PEX5L: variants seen among roughly 807,000 people sequenced by gnomAD.
PEX5L encodes PEX5-related protein.
A neutral mutation model predicts 84.0 loss-of-function variants in PEX5L; 30 were observed. That is an observed-to-expected ratio of 0.36 (90% CI 0.27 to 0.48). The LOEUF is 0.48. Ranked by LOEUF, PEX5L falls within the 20% of genes least tolerant of loss-of-function variation. The pLI, the probability that PEX5L is intolerant of heterozygous loss-of-function variation, is 0.99. For synonymous variants in PEX5L, 270 were observed against 283.1 expected, an observed-to-expected ratio of 0.95 and a Z score of 0.46; for missense variants, 533 against 754.6, an observed-to-expected ratio of 0.71 and a Z score of 3.44.
intron 2 of PEX5L, among the ~76,000 whole-genome samples, chr3:179,944,751 G>A (rs1777073797): frequency 6.6e-6 from 1 of 152,194 alleles, no homozygotes; most frequent in African/African-American, 2.4e-5. Context: ...GTTCAAGGAA[G>A]GATTGCAAAC....
chr3:179,924,852 T>C (rs1442818197), intron 2 of PEX5L, among the ~76,000 whole-genome samples: 1 of 129,702 alleles, frequency 7.7e-6, no homozygotes, highest in Non-Finnish European at 1.9e-5. Context: ...TAAGAGAAAA[T>C]TTTTTTTGAG....
intron 1 of PEX5L, among the ~76,000 whole-genome samples, chr3:179,994,659 G>C (rs181647172): frequency 1.3e-5 from 2 of 152,238 alleles, no homozygotes; most frequent in East Asian, 3.9e-4. Flanking sequence ...AGGATGCAAA[G>C]TATTGATCCT....
At chr3:179,994,853 CGTGCTGGA>C (rs1284638231) in intron 1 of PEX5L, among the ~76,000 whole-genome samples, 1 of 151,994 alleles carries the variant, frequency 6.6e-6, no homozygotes, top group Non-Finnish European at 1.5e-5. Flanking sequence ...ATCTTTCTCC[CGTGCTGGA>C]TGCTTCCTGT....
rs1048839217 is a variant in PEX5L, at chr3:180,036,800, G to T, written c.-201C>A. 5.0e-6 allele frequency: 3 copies of T among 596,926 alleles called. No homozygotes were observed. The highest frequency in any genetic ancestry group is 6.1e-6 in the Non-Finnish European group (2 of 329,176). The allele number at this position is 596,926 out of a possible 1,614,324, so 37.0% of individuals were successfully genotyped here. A position where few individuals can be genotyped will look rare whatever the true frequency, so the allele number is the denominator to read the frequency against. On this transcript the variant is annotated 5_prime_UTR_variant, in exon 1 of 15. Coordinates refer to ENST00000467460, the MANE Select transcript of PEX5L (RefSeq NM_016559.3). Reference sequence around the variant, plus strand: ...CTGCCGGGAACTGTTCTCCGCTCGGGGTGCTGAAAGCGGACGCGGGAGAGC... The same window carrying T: ...CTGCCGGGAACTGTTCTCCGCTCGGTGTGCTGAAAGCGGACGCGGGAGAGC...
intron 7 of PEX5L, among the ~76,000 whole-genome samples, chr3:179,871,882 G>A (rs532758152): frequency 6.6e-6 from 1 of 152,200 alleles, no homozygotes; most frequent in Admixed American, 6.5e-5. Flanking sequence ...TTTGGCTAAC[G>A]TTTTTCTTTT....
chr3:179,922,577 T>C (rs1466173611), intron 2 of PEX5L, among the ~76,000 whole-genome samples: 3 of 151,816 alleles, frequency 2.0e-5, no homozygotes, highest in African/African-American at 7.3e-5. Flanking sequence ...GCCTCCCCAG[T>C]AGCTGGGATT....
In PEX5L at chr3:179,807,778, G is replaced by A. The variant is rs763216140; in HGVS notation, c.1572C>T (p.Ser524=). The A allele has an allele frequency of 1.2e-6, 2 of 1,613,990 alleles. No individual in the cohort carries two copies. The highest frequency in any genetic ancestry group is 1.7e-6 in the Non-Finnish European group (2 of 1,179,958). ...GCGTATAGGCCTCCACGGCTTCCTC[G>A]CTGCGGTCTCCGTTCGCCAAGGTCG... ...LGATLANGDR[S]EEAVEAYTRA... Residue 524 remains serine (S), a synonymous_variant, in exon 14 of 15, where the codon AGC becomes AGT. Coordinates refer to ENST00000467460, the MANE Select transcript of PEX5L (RefSeq NM_016559.3).
intron 2 of PEX5L, among the ~76,000 whole-genome samples, chr3:179,952,063 T>A (rs1350121057): frequency 6.6e-6 from 1 of 152,226 alleles, no homozygotes; most frequent in Non-Finnish European, 1.5e-5. Context: ...GGTCTTTGAA[T>A]GCAAAAGTAA....
In PEX5L at chr3:180,036,639, T is replaced by A. The variant is rs372497969; in HGVS notation, c.-40A>T. On this transcript the variant is annotated 5_prime_UTR_variant, in exon 1 of 15. Coordinates refer to ENST00000467460, the MANE Select transcript of PEX5L (RefSeq NM_016559.3). ...TTCAGGGCTCCCTGAGGCCACCGGATGCTTTTCCCCCGTGCTTACTTGCCC... is the reference window on the plus strand; with the variant it reads ...TTCAGGGCTCCCTGAGGCCACCGGAAGCTTTTCCCCCGTGCTTACTTGCCC... The A allele has an allele frequency of 6.2e-6, 10 of 1,613,082 alleles. No homozygotes were observed. The highest frequency in any genetic ancestry group is 8.5e-6 in the Non-Finnish European group (10 of 1,179,010).
chr3:179,795,627 A>G lies in PEX5L; in HGVS notation c.*6201T>C, dbSNP rs1716623078. 1 of 152,132 alleles carries G rather than the reference A, an allele frequency of 6.6e-6. No individual in the cohort carries two copies. Among genetic ancestry groups the G allele is most frequent in the South Asian group, 2.1e-4 (1 of 4,822 alleles). The allele number at this position is 152,132 out of a possible 1,614,324, so 9.4% of individuals were successfully genotyped here. On this transcript the variant is annotated 3_prime_UTR_variant, in exon 15 of 15. Transcript: ENST00000467460. ...ACTTAATTTGAATTGGTATTAATTTAGTAACGCAATGTAAACATTTAAACT... is the reference window on the plus strand; with the variant it reads ...ACTTAATTTGAATTGGTATTAATTTGGTAACGCAATGTAAACATTTAAACT...
chr3:179,966,051 T>G (rs1218431444), intron 2 of PEX5L, among the ~76,000 whole-genome samples: 1 of 152,212 alleles, frequency 6.6e-6, no homozygotes, highest in African/African-American at 2.4e-5. Context: ...GATAGCAAAT[T>G]TGAATAGTCT....
chr3:179,880,893 G>A (rs541661171), intron 4 of PEX5L: 8 of 152,306 alleles, frequency 5.3e-5, no homozygotes, highest in East Asian at 1.9e-4. Context: ...TACAGTGCAC[G>A]TAACCAGTGT....
chr3:179,969,435 C>T (rs1784192501), intron 2 of PEX5L, among the ~76,000 whole-genome samples: 1 of 151,894 alleles, frequency 6.6e-6, no homozygotes, highest in Non-Finnish European at 1.5e-5. Context: ...AGGCAATATT[C>T]ATTTTCTGGA....
chr3:179,812,663 T>A (rs1724348577), intron 10 of PEX5L, among the ~76,000 whole-genome samples: 1 of 152,044 alleles, frequency 6.6e-6, no homozygotes, highest in Non-Finnish European at 1.5e-5. Context: ...AGAATTAAAG[T>A]TTTTAACACA....
At chr3:179,939,326 A>C (rs1197918816) in intron 2 of PEX5L, among the ~76,000 whole-genome samples, 1 of 152,222 alleles carries the variant, frequency 6.6e-6, no homozygotes, top group African/African-American at 2.4e-5. Context: ...TATGGTTCCT[A>C]GACCAGAAGC....
chr3:179,978,506 A>G (rs1447963744), intron 1 of PEX5L, among the ~76,000 whole-genome samples: 2 of 152,278 alleles, frequency 1.3e-5, no homozygotes, highest in East Asian at 3.9e-4. Flanking sequence ...TCAACTACCT[A>G]GATTCTACTA....
In PEX5L at chr3:179,905,821, G is replaced by A. The variant is rs139100611; in HGVS notation, c.94-7575C>T. Among the ~76,000 whole-genome samples, 8 of 152,282 alleles carry A rather than the reference G, an allele frequency of 5.3e-5. No individual in the cohort carries two copies. The East Asian group carries it at 1.2e-3, about 22-fold the overall frequency. On this transcript the variant is annotated intron_variant, in intron 2 of 14. Coordinates refer to ENST00000467460, the MANE Select transcript of PEX5L (RefSeq NM_016559.3). ...TGTCTCACTAATGAAACTGCCTTAT[G>A]AGAGCAAAGATTGTGTTAATATCTT...
intron 1 of PEX5L, among the ~76,000 whole-genome samples, chr3:180,020,260 CA>C (rs1790312556): frequency 6.6e-6 from 1 of 151,854 alleles, no homozygotes; most frequent in African/African-American, 2.4e-5. Flanking sequence ...TAAACCAATA[CA>C]ACAAAATATT....
At chr3:179,910,851 T>A (rs528909106) in intron 2 of PEX5L, among the ~76,000 whole-genome samples, 1 of 152,378 alleles carries the variant, frequency 6.6e-6, no homozygotes, top group South Asian at 2.1e-4. Context: ...TTAACTTTTC[T>A]GTCAAACTTT....
Sources: allele counts gnomAD v4.1 joint callset (sites outside exome capture counted in the v4.1 genomes callset), GRCh38; gene constraint gnomAD v4.1.1; transcripts MANE v1.5; gene names NCBI Gene and HGNC (gene_info 2026-07-23, HGNC 2026-07-21).